Variants in OR4D10 observed in about 807,000 individuals in gnomAD.
The protein encoded by OR4D10 is olfactory receptor 4D10.
For missense variants in OR4D10, 395 were observed against 378.0 expected (o/e 1.04, Z -0.37); for synonymous variants, 188 against 153.2 (o/e 1.23, Z -1.68).
chr11:59,474,554 G>A (rs1430452364), intron 2 of OR4D10, among the ~76,000 whole-genome samples: 1 of 152,132 alleles, frequency 6.6e-6, no homozygotes, highest in Non-Finnish European at 1.5e-5. Flanking sequence ...TCTCATTGCT[G>A]TGTGATCCCT....
chr11:59,475,924 C>T (rs1256499601), intron 2 of OR4D10, among the ~76,000 whole-genome samples: 1 of 152,136 alleles, frequency 6.6e-6, no homozygotes, highest in Non-Finnish European at 1.5e-5. Context: ...GCCACCTTTA[C>T]CCTAAAGTAA....
chr11:59,477,679 G>C lies in OR4D10; in HGVS notation c.250G>C (p.Asp84His). 6.2e-7 allele frequency: 1 copy of C among 1,614,092 alleles called. No individual in the cohort carries two copies. The highest frequency in any genetic ancestry group is 8.5e-7 in the Non-Finnish European group (1 of 1,180,006). ...CATCACAGTGCCCAAGGTTCTGGTGGACCTTCTGTCTGAAAGAAAGACCAT... is the reference window on the plus strand; with the variant it reads ...CATCACAGTGCCCAAGGTTCTGGTGCACCTTCTGTCTGAAAGAAAGACCAT... ...SSITVPKVLV[D>H]LLSERKTISF... Residue 84 changes from aspartate (D) to histidine (H), a missense_variant, in exon 3 of 3, where the codon GAC becomes CAC. Physicochemically the swap from Asp to His is moderately conservative, Grantham distance 81 (BLOSUM62 -1). Coordinates refer to ENST00000530162, the MANE Select transcript of OR4D10 (RefSeq NM_001004705.2).
Position 59,478,347 on chromosome 11 carries a change from G to A in OR4D10, c.918G>A (p.Val306=), listed in dbSNP as rs1858934905. The A allele has an allele frequency of 6.3e-7, 1 of 1,585,912 alleles. No individual in the cohort carries two copies. The highest frequency in any genetic ancestry group is 1.4e-5 in the African/African-American group (1 of 73,852). ...SAMRRLKRRL[V]PSDRK Reference sequence around the variant, plus strand: ...TGAGGAGACTGAAGAGAAGACTTGTGCCTTCTGATAGAAAATAGAAAAAAA... The same window carrying A: ...TGAGGAGACTGAAGAGAAGACTTGTACCTTCTGATAGAAAATAGAAAAAAA... The change falls in exon 3 of 3, where the codon GTG becomes GTA. Residue 306 remains valine (V), a synonymous_variant. Transcript: ENST00000530162.
Position 59,477,757 on chromosome 11 carries a change from G to A in OR4D10, c.328G>A (p.Val110Met), listed in dbSNP as rs758971121. ...GTTTCTATTCCACCTTATTGGAGGGGTGGATGTATTTTCTCTTTCGGTGAT... is the reference window on the plus strand; with the variant it reads ...GTTTCTATTCCACCTTATTGGAGGGATGGATGTATTTTCTCTTTCGGTGAT... Reference protein sequence around the residue: ...QMFLFHLIGGVDVFSLSVMAL... With the variant: ...QMFLFHLIGGMDVFSLSVMAL... Residue 110 changes from valine to methionine, a missense_variant, in exon 3 of 3, where the codon GTG becomes ATG. Val to Met is a conservative substitution (Grantham distance 21, BLOSUM62 1). Coordinates refer to ENST00000530162, the MANE Select transcript of OR4D10 (RefSeq NM_001004705.2). 6.2e-5 allele frequency: 100 copies of A among 1,614,000 alleles called. No individual in the cohort carries two copies. The highest frequency in any genetic ancestry group is 7.7e-5 in the Non-Finnish European group (91 of 1,180,038).
At chr11:59,477,167 A>C in intron 2 of OR4D10, 95 bp from the exon 3 acceptor site, 1 of 355,578 alleles carries the variant, frequency 2.8e-6, no homozygotes, top group Non-Finnish European at 5.0e-6. Flanking sequence ...AAAATACACT[A>C]TGTCACTACT....
At chr11:59,474,479 A>T (rs1858878199) in intron 2 of OR4D10, among the ~76,000 whole-genome samples, 1 of 152,172 alleles carries the variant, frequency 6.6e-6, no homozygotes, top group Non-Finnish European at 1.5e-5. Context: ...AATAATTATA[A>T]AATTTATTCC....
intron 2 of OR4D10, among the ~76,000 whole-genome samples, chr11:59,474,968 G>A (rs1052072397): frequency 4.0e-5 from 6 of 149,106 alleles, no homozygotes; most frequent in African/African-American, 1.5e-4. Context: ...GGCTGAGGCA[G>A]GAGAATGGCG....
chr11:59,478,496 T>G lies in OR4D10; in HGVS notation c.*131T>G. ...TAGTAATAATTAATTTTTCTATTTA[T>G]GTTAGTAAGTAACTGATAAGCTTCT... On this transcript the variant is annotated 3_prime_UTR_variant, in exon 3 of 3. Coordinates refer to ENST00000530162, the MANE Select transcript of OR4D10 (RefSeq NM_001004705.2). 3.2e-6 allele frequency: 2 copies of G among 618,834 alleles called. No homozygotes were observed. The highest frequency in any genetic ancestry group is 6.5e-5 in the South Asian group (2 of 30,750). The allele number at this position is 618,834 out of a possible 1,614,324, so 38.3% of individuals were successfully genotyped here.
Position 59,477,403 on chromosome 11 carries a change from A to G in OR4D10, c.-27A>G. 1 of 1,497,120 alleles carries G rather than the reference A, an allele frequency of 6.7e-7. No individual in the cohort carries two copies. The highest frequency in any genetic ancestry group is 9.0e-7 in the Non-Finnish European group (1 of 1,113,252). 92.7% of individuals were successfully genotyped at this position (1,497,120 alleles called of 1,614,324 possible). A position where few individuals can be genotyped will look rare whatever the true frequency, so the allele number is the denominator to read the frequency against. On this transcript the variant is annotated 5_prime_UTR_variant, in exon 3 of 3. Coordinates refer to ENST00000530162, the MANE Select transcript of OR4D10 (RefSeq NM_001004705.2). ...GTGCTTTCACATGACATGGTTTAAA[A>G]CCAAAGAGAATAAAGAGGATGATTG...
rs1046701343 is a variant in OR4D10, at chr11:59,473,512, G to A, written c.-353G>A. ...TCCAAAAGCAGAGCAAAGACACTGC[G>A]ATATTTAGCATAGCAAAGGGCTTAA... On this transcript the variant is annotated 5_prime_UTR_variant, in exon 1 of 3. Coordinates refer to ENST00000530162, the MANE Select transcript of OR4D10 (RefSeq NM_001004705.2). 5 of 152,200 alleles carry A rather than the reference G, an allele frequency of 3.3e-5. No individual in the cohort carries two copies. Among genetic ancestry groups the A allele is most frequent in the Non-Finnish European group, 5.9e-5 (4 of 68,038 alleles). The allele number at this position is 152,200 out of a possible 1,614,324, so 9.4% of individuals were successfully genotyped here.
intron 2 of OR4D10, among the ~76,000 whole-genome samples, chr11:59,474,729 A>C (rs916741532): frequency 6.6e-6 from 1 of 152,106 alleles, no homozygotes; most frequent in African/African-American, 2.4e-5. Context: ...ACTCCATGTA[A>C]TACTAGAAGT....
chr11:59,478,227 CATGGATAAGGCCA>C lies in OR4D10; in HGVS notation c.799_811del (p.Met267SerfsTer15), dbSNP rs776400713. On this transcript the variant is annotated frameshift_variant, in exon 3 of 3. Transcript: ENST00000530162. LOFTEE classifies it high-confidence loss of function. ...ATGCCCGGCCCTTCACTGCCCTCCC[CATGGATAAGGCCA>C]TCTCTGTCACCTTCACTGTCATCTC... The C allele has an allele frequency of 5.6e-6, 9 of 1,613,884 alleles. No individual in the cohort carries two copies. The Admixed American group carries it at 1.0e-4, about 18-fold the overall frequency.
intron 2 of OR4D10, among the ~76,000 whole-genome samples, chr11:59,475,197 C>G (rs1858890553): frequency 6.6e-6 from 1 of 151,992 alleles, no homozygotes. Context: ...CATTCACCAA[C>G]CAAACGATAC....
At chr11:59,474,771 A>G (rs368509000) in intron 2 of OR4D10, among the ~76,000 whole-genome samples, 2 of 152,242 alleles carry the variant, frequency 1.3e-5, no homozygotes, top group East Asian at 1.9e-4. Flanking sequence ...AAAGAAGTCC[A>G]AGGGACCGGG....
At position 59,477,729 on chromosome 11, in the gene OR4D10, G is replaced by T; in HGVS notation, c.300G>T (p.Gln100His). 2 of 1,614,112 alleles carry T rather than the reference G, an allele frequency of 1.2e-6. No homozygotes were observed. The highest frequency in any genetic ancestry group is 1.7e-6 in the Non-Finnish European group (2 of 1,180,004). The change falls in exon 3 of 3, where the codon CAG becomes CAT. Residue 100 changes from glutamine to histidine, a missense_variant. Transcript: ENST00000530162. ...KTISFNHCFT[Q>H]MFLFHLIGGV... ...TCTCCTTCAATCATTGCTTCACTCA[G>T]ATGTTTCTATTCCACCTTATTGGAG... is the stretch of plus-strand genomic sequence containing the variant.
chr11:59,475,727 G>A (rs1448330029), intron 2 of OR4D10, among the ~76,000 whole-genome samples: 3 of 152,180 alleles, frequency 2.0e-5, no homozygotes, highest in Non-Finnish European at 4.4e-5. Context: ...CTAATAAATA[G>A]AGGGTCAGGA....
In OR4D10 at chr11:59,479,151, T is replaced by G. The variant is rs1280926649; in HGVS notation, c.*786T>G. On this transcript the variant is annotated 3_prime_UTR_variant, in exon 3 of 3. Transcript: ENST00000530162. ...GGACTCTATTTTGAAATTTCCTATTTTCTTGTCTCTTTCTCTTACTGGGCA... is the reference window on the plus strand; with the variant it reads ...GGACTCTATTTTGAAATTTCCTATTGTCTTGTCTCTTTCTCTTACTGGGCA... The G allele has an allele frequency of 6.6e-6, 1 of 152,200 alleles. No individual in the cohort carries two copies. The highest frequency in any genetic ancestry group is 2.4e-5 in the African/African-American group (1 of 41,446). The allele number at this position is 152,200 out of a possible 1,614,324, so 9.4% of individuals were successfully genotyped here. A position where few individuals can be genotyped will look rare whatever the true frequency, so the allele number is the denominator to read the frequency against.
chr11:59,473,560 A>T lies in OR4D10; in HGVS notation c.-305A>T, dbSNP rs1333758428. 1 of 152,240 alleles carries T rather than the reference A, an allele frequency of 6.6e-6. No homozygotes were observed. Among genetic ancestry groups the T allele is most frequent in the Non-Finnish European group, 1.5e-5 (1 of 68,040 alleles). The allele number at this position is 152,240 out of a possible 1,614,324, so 9.4% of individuals were successfully genotyped here. On this transcript the variant is annotated 5_prime_UTR_variant, in exon 1 of 3. Transcript: ENST00000530162. ...TAACTTTTAAACAAGATTTTCAAGA[A>T]TTAATGCCAGTAGTCTTCTGTTATG... is the stretch of plus-strand genomic sequence containing the variant.
chr11:59,478,184 T>G lies in OR4D10; in HGVS notation c.755T>G (p.Val252Gly), dbSNP rs748534665. ...ATCACTGTGGTGACCCTGCATTTCG[T>G]GCCCTGCATCTATGTCTATGCCCGG... ...SHITVVTLHF[V>G]PCIYVYARPF... The change falls in exon 3 of 3, where the codon GTG (valine) becomes GGG (glycine). Residue 252 changes from valine (V) to glycine (G), a missense_variant. Physicochemically the swap from Val to Gly is moderately radical, Grantham distance 109. Transcript: ENST00000530162. The G allele has an allele frequency of 1.1e-5, 18 of 1,614,114 alleles. No homozygotes were observed. The South Asian group carries it at 2.0e-4, about 18-fold the overall frequency.
Sources: allele counts gnomAD v4.1 joint callset (sites outside exome capture counted in the v4.1 genomes callset), GRCh38; gene constraint gnomAD v4.1.1; transcripts MANE v1.5; gene names NCBI Gene and HGNC (gene_info 2026-07-23, HGNC 2026-07-21).